Variants in CABYR observed in about 807,000 individuals in gnomAD.
The protein encoded by CABYR is calcium-binding tyrosine phosphorylation-regulated protein.
Under a neutral mutation model 36.1 loss-of-function variants are expected in CABYR, and 31 were observed. The observed-to-expected ratio is 0.86, with a 90% confidence interval of 0.64 to 1.16. The LOEUF (loss-of-function observed/expected upper bound fraction) is 1.16, where lower values mean the gene tolerates loss of function less well. Among genes scored for constraint, CABYR ranks in the 50% most tolerant of loss-of-function variants. The probability of loss-of-function intolerance (pLI) is 0.00; values close to 1 mark genes in which losing one functional copy is unlikely to be tolerated. For synonymous variants in CABYR, 146 were observed against 160.7 expected, an observed-to-expected ratio of 0.91 and a Z score of 0.69; for missense variants, 429 against 455.8, an observed-to-expected ratio of 0.94 and a Z score of 0.53.
intron 3 of CABYR, chr18:24,152,788 C>A (rs1398494598): frequency 6.6e-6 from 1 of 152,070 alleles, no homozygotes; most frequent in East Asian, 1.9e-4. Flanking sequence ...GTAATCCAAT[C>A]CCTAGATTGG....
At chr18:24,143,668 G>A (rs545485371) in intron 3 of CABYR, among the ~76,000 whole-genome samples, 1 of 151,744 alleles carries the variant, frequency 6.6e-6, no homozygotes, top group Admixed American at 6.6e-5. Context: ...AAGTAGCTTG[G>A]ACTGCAGTTG....
chr18:24,148,242 A>G (rs886328956), intron 3 of CABYR, among the ~76,000 whole-genome samples: 1 of 152,084 alleles, frequency 6.6e-6, no homozygotes, highest in Non-Finnish European at 1.5e-5. Flanking sequence ...CTAAAATACT[A>G]ATGCCTCCCA....
chr18:24,156,253 A>C, intron 4 of CABYR: 1 of 1,614,134 alleles, frequency 6.2e-7, no homozygotes, highest in Non-Finnish European at 8.5e-7. Context: ...CAACCTAAAG[A>C]AAATGAGGCT....
chr18:24,148,900 A>G (rs1182593502), intron 3 of CABYR, among the ~76,000 whole-genome samples: 1 of 152,048 alleles, frequency 6.6e-6, no homozygotes, highest in African/African-American at 2.4e-5. Flanking sequence ...GCAAAGAGGA[A>G]AAACAAAGCT....
chr18:24,158,546 G>A (rs1191150461), intron 4 of CABYR, among the ~76,000 whole-genome samples: 2 of 152,100 alleles, frequency 1.3e-5, no homozygotes, highest in Non-Finnish European at 2.9e-5. Context: ...TCGAACTCCC[G>A]ACCTCAGGTG....
In CABYR at chr18:24,159,525, C is replaced by A. The variant is rs758531005; in HGVS notation, c.595C>A (p.Leu199Ile). The A allele has an allele frequency of 1.2e-6, 2 of 1,613,950 alleles. No individual in the cohort carries two copies. Among genetic ancestry groups the A allele is most frequent in the African/African-American group, 2.7e-5 (2 of 74,846 alleles). The stretch of plus-strand genomic sequence containing the variant: ...ACCACCATGTTCTAACATGTGGACC[C>A]TTTATTGTCTAACTGATAAGAATCA... ...QPPPCSNMWT[L>I]YCLTDKNQQG... The change falls in exon 5 of 6, where the codon CTT becomes ATT. Residue 199 changes from leucine (L) to isoleucine (I), a missense_variant. Coordinates refer to ENST00000399496, the MANE Select transcript of CABYR (RefSeq NM_153769.3).
intron 4 of CABYR, chr18:24,156,254 A>G (rs2085781849): frequency 6.2e-7 from 1 of 1,614,056 alleles, no homozygotes; most frequent in South Asian, 1.1e-5. Flanking sequence ...AACCTAAAGA[A>G]AATGAGGCTG....
chr18:24,140,883 T>C (rs963290910), intron 1 of CABYR, among the ~76,000 whole-genome samples: 18 of 152,246 alleles, frequency 1.2e-4, no homozygotes, highest in African/African-American at 4.3e-4. Context: ...TCTCATTCTT[T>C]TTTAATGGCT....
At chr18:24,149,916 G>C (rs928352958) in intron 3 of CABYR, among the ~76,000 whole-genome samples, 15 of 152,202 alleles carry the variant, frequency 9.9e-5, no homozygotes, top group Non-Finnish European at 1.6e-4. Flanking sequence ...GCGCAGCCCC[G>C]GTTCCCGCTG....
At chr18:24,160,524 G>C (rs867802227) in intron 5 of CABYR, among the ~76,000 whole-genome samples, 1 of 152,168 alleles carries the variant, frequency 6.6e-6, no homozygotes, top group Non-Finnish European at 1.5e-5. Flanking sequence ...TAGATGGAGA[G>C]GTGAGAGGCA....
intron 3 of CABYR, among the ~76,000 whole-genome samples, chr18:24,144,583 T>C (rs374271474): frequency 6.6e-6 from 1 of 151,860 alleles, no homozygotes; most frequent in East Asian, 1.9e-4. Flanking sequence ...CTAGGCAAAA[T>C]AGTGAGACCC....
At chr18:24,147,427 T>A (rs1180741296) in intron 3 of CABYR, among the ~76,000 whole-genome samples, 5 of 152,140 alleles carry the variant, frequency 3.3e-5, no homozygotes. Context: ...AGATCTCCAA[T>A]GTTACGATTT....
intron 5 of CABYR, chr18:24,160,933 A>T (rs2085955674): frequency 6.6e-6 from 1 of 152,412 alleles, no homozygotes; most frequent in African/African-American, 2.4e-5. Flanking sequence ...CCACAGTGAG[A>T]CTGGCTGGGG....
At position 24,156,559 on chromosome 18, in the gene CABYR, C is replaced by A. The variant is rs1209996949; in HGVS notation, c.541+517C>A. On this transcript the variant is annotated intron_variant, in intron 4 of 5. Coordinates refer to ENST00000399496, the MANE Select transcript of CABYR (RefSeq NM_153769.3). Reference sequence around the variant, plus strand: ...AAATCTGTAGTAGAAAAGACCACCTCTGGCATGTCTAAAAAATCTGTAGAG... The same window carrying A: ...AAATCTGTAGTAGAAAAGACCACCTATGGCATGTCTAAAAAATCTGTAGAG... 9 of 1,614,220 alleles carry A rather than the reference C, an allele frequency of 5.6e-6. No individual in the cohort carries two copies. The highest frequency in any genetic ancestry group is 7.6e-6 in the Non-Finnish European group (9 of 1,180,054).
chr18:24,149,291 C>T (rs1280801064), intron 3 of CABYR, among the ~76,000 whole-genome samples: 1 of 152,164 alleles, frequency 6.6e-6, no homozygotes, highest in Non-Finnish European at 1.5e-5. Context: ...CATAAAGGTT[C>T]TCTACGGCCC....
intron 1 of CABYR, among the ~76,000 whole-genome samples, chr18:24,141,198 A>G (rs2085312761): frequency 6.6e-6 from 1 of 152,380 alleles, no homozygotes; most frequent in South Asian, 2.1e-4. Flanking sequence ...TGCTTTGGCC[A>G]GTACAGATTC....
rs191742488 is a variant in CABYR at position 24,154,935 on chromosome 18, G to C, written c.200-766G>C. On this transcript the variant is annotated intron_variant, in intron 3 of 5. Coordinates refer to ENST00000399496, the MANE Select transcript of CABYR (RefSeq NM_153769.3). ...TCTTGGCTGGGTCAGTCTGACTTTGGCTGCATGATCACACATTATTAGCAG... is the reference window on the plus strand; with the variant it reads ...TCTTGGCTGGGTCAGTCTGACTTTGCCTGCATGATCACACATTATTAGCAG... Among the ~76,000 whole-genome samples, 6 of 152,172 alleles carry C rather than the reference G, an allele frequency of 3.9e-5. No homozygotes were observed. The East Asian group carries it at 1.2e-3, about 29-fold the overall frequency.
At position 24,160,089 on chromosome 18, in the gene CABYR, A is replaced by C; in HGVS notation, c.1139+20A>C. ...AAACTGGTAGGTACACTTTCCTACC[A>C]TAATATTTAGGCCTTAACACACGCG... On this transcript the variant is annotated intron_variant, in intron 5 of 5. Coordinates refer to ENST00000399496, the MANE Select transcript of CABYR (RefSeq NM_153769.3). 6 of 1,558,770 alleles carry C rather than the reference A, an allele frequency of 3.8e-6. No homozygotes were observed. Among genetic ancestry groups the C allele is most frequent in the Non-Finnish European group, 5.3e-6 (6 of 1,138,800 alleles).
intron 4 of CABYR, chr18:24,156,754 A>G (rs766037794): frequency 6.2e-7 from 1 of 1,614,204 alleles, no homozygotes; most frequent in Non-Finnish European, 8.5e-7. Context: ...AAATCTCTGC[A>G]CCTTGAAGTG....
Sources: gnomAD v4.1 joint callset for allele counts (sites outside exome capture counted in the v4.1 genomes callset) on GRCh38, gnomAD v4.1.1 for gene constraint, MANE v1.5 for transcripts, NCBI Gene and HGNC (gene_info 2026-07-23, HGNC 2026-07-21) for gene names.